Variants in PKD1L1 observed in about 807,000 individuals in gnomAD.
The protein encoded by PKD1L1 is polycystin-1-like protein 1.
PKD1L1 carries 236 observed loss-of-function variants against 323.4 expected under a neutral mutation model. The ratio of observed to expected loss-of-function variants is 0.73; its 90% CI spans 0.66 to 0.81. The LOEUF (loss-of-function observed/expected upper bound fraction) is 0.81. Among genes scored for constraint, PKD1L1 ranks in the 40% least tolerant of loss-of-function variants. The probability of loss-of-function intolerance (pLI) is 0.00; values close to 1 mark genes in which losing one functional copy is unlikely to be tolerated. For synonymous variants in PKD1L1, 1,344 were observed against 1,335.0 expected (o/e 1.01, Z -0.15); for missense variants, 3,320 against 3,508.0 (o/e 0.95, Z 1.35).
At chr7:47,834,216 T>A (rs764252740) in intron 40 of PKD1L1, 123 bp downstream of exon 40, 9 of 969,228 alleles carry the variant, frequency 9.3e-6, no homozygotes, top group Non-Finnish European at 1.4e-5. Flanking sequence ...TTTTCCTGTG[T>A]CCGTCTCACC....
At chr7:47,814,692 T>G (rs1340740582) in intron 47 of PKD1L1, among the ~76,000 whole-genome samples, 1 of 152,188 alleles carries the variant, frequency 6.6e-6, no homozygotes, top group South Asian at 2.1e-4. Flanking sequence ...TTTTGTATTT[T>G]TAGTAGAGAC....
chr7:47,842,457 G>A (rs1016966840), intron 34 of PKD1L1, among the ~76,000 whole-genome samples: 7 of 152,078 alleles, frequency 4.6e-5, no homozygotes, highest in Admixed American at 6.5e-5. Context: ...CACGCACTTC[G>A]AATTGCACAT....
chr7:47,894,669 G>A (rs1006918933), intron 14 of PKD1L1, among the ~76,000 whole-genome samples: 2 of 152,088 alleles, frequency 1.3e-5, no homozygotes, highest in East Asian at 1.9e-4. Flanking sequence ...TGGGCAACAC[G>A]GTGAAACCTC....
chr7:47,927,406 G>C (rs1787675747), intron 7 of PKD1L1, among the ~76,000 whole-genome samples: 1 of 151,992 alleles, frequency 6.6e-6, no homozygotes, highest in Non-Finnish European at 1.5e-5. Context: ...AGCCTCCTAA[G>C]TAGGGCGCGC....
At chr7:47,916,227 C>T (rs2128752864) in intron 7 of PKD1L1, among the ~76,000 whole-genome samples, 1 of 152,316 alleles carries the variant, frequency 6.6e-6, no homozygotes, top group East Asian at 1.9e-4. Flanking sequence ...AATGAGGCAA[C>T]TGGAAAATTG....
chr7:47,880,261 TA>T (rs1562970398), intron 21 of PKD1L1, among the ~76,000 whole-genome samples: 52 of 93,838 alleles, frequency 5.5e-4, no homozygotes, highest in Non-Finnish European at 8.2e-4. Context: ...TATATATATA[TA>T]TACATATATA....
At chr7:47,892,926 T>C (rs74763713) in intron 15 of PKD1L1, among the ~76,000 whole-genome samples, 2,562 of 151,954 alleles carry the variant, frequency 0.017, 78 homozygotes, top group African/African-American at 0.058. Flanking sequence ...AAGTAAAAGA[T>C]GCTGGTAAAG....
chr7:47,857,262 G>C (rs908180115), intron 28 of PKD1L1, among the ~76,000 whole-genome samples: 2 of 152,198 alleles, frequency 1.3e-5, no homozygotes, highest in Non-Finnish European at 2.9e-5. Context: ...AGACACGATT[G>C]GCCAGAATGC....
chr7:47,832,020 C>T (rs562418149), intron 41 of PKD1L1, among the ~76,000 whole-genome samples: 45 of 152,346 alleles, frequency 3.0e-4, no homozygotes, highest in Non-Finnish European at 4.9e-4. Flanking sequence ...TGGGTGCAGC[C>T]GTCTTAGCTC....
At chr7:47,777,479 G>T (rs2348461) in intron 56 of PKD1L1, among the ~76,000 whole-genome samples, 75,368 of 151,872 alleles carry the variant, frequency 0.5, 19,036 homozygotes, top group East Asian at 0.78. Flanking sequence ...GATGGCATCT[G>T]CCCTACCTCT....
intron 46 of PKD1L1, chr7:47,818,006 T>C: frequency 4.4e-6 from 6 of 1,354,962 alleles, no homozygotes; most frequent in Non-Finnish European, 5.9e-6. Context: ...TTATACATCT[T>C]TAGAACTTAA....
intron 7 of PKD1L1, among the ~76,000 whole-genome samples, chr7:47,919,947 G>C (rs547446204): frequency 6.6e-6 from 1 of 152,206 alleles, no homozygotes; most frequent in Non-Finnish European, 1.5e-5. Context: ...TTCCCTCTGA[G>C]AACTCGAACA....
intron 7 of PKD1L1, among the ~76,000 whole-genome samples, chr7:47,923,028 T>C (rs896711459): frequency 6.6e-6 from 1 of 152,280 alleles, no homozygotes; most frequent in African/African-American, 2.4e-5. Context: ...ATCCATAACC[T>C]TACCCCCAAC....
chr7:47,957,008 C>G, the PKD1L1 span: 1 of 152,802 alleles, frequency 6.5e-6, no homozygotes. Flanking sequence ...GATTCAACAG[C>G]TGAATTAAAG....
intron 47 of PKD1L1, among the ~76,000 whole-genome samples, chr7:47,814,507 G>A (rs1584962502): frequency 1.3e-5 from 2 of 152,126 alleles, no homozygotes; most frequent in African/African-American, 4.8e-5. Context: ...AGCCTCCCAA[G>A]TAGCTAGGAT....
At position 47,880,772 on chromosome 7, in the gene PKD1L1, T is replaced by C; in HGVS notation, c.3476A>G (p.Tyr1159Cys). ...GTACGTCTCTCCACTGCTCAGAGAG[T>C]ATGGCTTGATTGTCACTGTCTGTTC... ...ITEQTVTIKP[Y>C]SLSSGETYVL... Residue 1159 changes from tyrosine to cysteine, a missense_variant, in exon 21 of 57, where the codon TAC becomes TGC. By Grantham distance (194) the Tyr-to-Cys change is radical. Transcript: ENST00000289672. The C allele has an allele frequency of 6.2e-7, 1 of 1,607,600 alleles. No homozygotes were observed. Among genetic ancestry groups the C allele is most frequent in the Non-Finnish European group, 8.5e-7 (1 of 1,176,308 alleles).
chr7:47,936,798 A>C, intron 4 of PKD1L1, 48 bp downstream of exon 4: 1 of 1,382,374 alleles, frequency 7.2e-7, no homozygotes, highest in Non-Finnish European at 1.0e-6. Context: ...GTTCCATGTC[A>C]TTTGCATGTT....
chr7:47,890,639 A>T lies in PKD1L1; in HGVS notation c.2578T>A (p.Tyr860Asn), dbSNP rs761905857. 7 of 1,614,186 alleles carry T rather than the reference A, an allele frequency of 4.3e-6. No homozygotes were observed. In the East Asian group the frequency reaches 1.6e-4, roughly 36 times the overall value. Residue 860 changes from tyrosine (Y) to asparagine (N), a missense_variant, in exon 16 of 57, where the codon TAT becomes AAT. Transcript: ENST00000289672. ...SFEAQWLSDSYDQFLVMLRVS... is the reference protein window; with the variant it reads ...SFEAQWLSDSNDQFLVMLRVS... ...CTCAGCATCACAAGGAACTGATCAT[A>T]GCTGTCACTGAGCCATTGTGCCTCA...
chr7:47,857,818 C>G lies in PKD1L1; in HGVS notation c.4377G>C (p.Leu1459Phe). The stretch of plus-strand genomic sequence containing the variant: ...CCATCTGCCCAGTGCTAACATGGTT[C>G]AAAGAGAGACAACCCTGAAACATAG... ...ISDLLLGCLS[L>F]NHVSTGQMEF... Residue 1459 changes from leucine to phenylalanine, a missense_variant, in exon 28 of 57, where the codon TTG (leucine) becomes TTC (phenylalanine). Transcript: ENST00000289672. The G allele has an allele frequency of 6.2e-7, 1 of 1,614,016 alleles. No individual in the cohort carries two copies. Among genetic ancestry groups the G allele is most frequent in the Non-Finnish European group, 8.5e-7 (1 of 1,180,000 alleles).
Sources: allele counts gnomAD v4.1 joint callset (sites outside exome capture counted in the v4.1 genomes callset), GRCh38; gene constraint gnomAD v4.1.1; transcripts MANE v1.5; gene names NCBI Gene and HGNC (gene_info 2026-07-23, HGNC 2026-07-21).